Variants in SGCD observed in about 807,000 individuals in gnomAD.
SGCD encodes the protein sarcoglycan delta.
In SGCD, 18 loss-of-function variants were observed where a neutral mutation model predicts 36.6. The ratio of observed to expected loss-of-function variants is 0.49; its 90% CI spans 0.34 to 0.73. SGCD has a LOEUF of 0.73. Among genes scored for constraint, SGCD ranks in the 30% least tolerant of loss-of-function variants. The probability of loss-of-function intolerance (pLI) is 0.01; values close to 1 mark genes in which losing one functional copy is unlikely to be tolerated. For missense variants in SGCD, 387 were observed against 346.7 expected (o/e 1.12, Z -0.92); for synonymous variants, 133 against 130.6 (o/e 1.02, Z -0.12).
intron 3 of SGCD, among the ~76,000 whole-genome samples, chr5:156,257,342 C>G (rs1317896521): frequency 6.6e-6 from 1 of 151,984 alleles, no homozygotes; most frequent in African/African-American, 2.4e-5. Flanking sequence ...GGCATGGTGG[C>G]GGGTGCCTGT....
chr5:155,900,373 T>C (rs1756360412), intron 1 of SGCD, among the ~76,000 whole-genome samples: 1 of 151,858 alleles, frequency 6.6e-6, no homozygotes, highest in African/African-American at 2.4e-5. Context: ...AAGATAACCA[T>C]GGCTTCCCCC....
chr5:156,080,435 G>A (rs1357278998), intron 1 of SGCD, among the ~76,000 whole-genome samples: 3 of 152,186 alleles, frequency 2.0e-5, no homozygotes, highest in African/African-American at 7.2e-5. Context: ...TTGAAAACTT[G>A]CTTTTCTTTT....
the SGCD span, among the ~76,000 whole-genome samples, chr5:155,756,962 C>T: frequency 2.0e-5 from 3 of 152,102 alleles, no homozygotes; most frequent in Admixed American, 6.5e-5. Context: ...GGATAAATAC[C>T]AGGGTTGGGT....
At chr5:156,423,442 T>TATATTATAATATAATATAATATATTA (rs1179870953) in intron 3 of SGCD, among the ~76,000 whole-genome samples, 1 of 116,332 alleles carries the variant, frequency 8.6e-6, no homozygotes, top group African/African-American at 3.2e-5. Flanking sequence ...TATAATATAT[T>TATATTATAATATAATATAATATATTA]TATTTTATTA....
At chr5:155,856,886 A>G in the SGCD span, among the ~76,000 whole-genome samples, 7 of 152,210 alleles carry the variant, frequency 4.6e-5, no homozygotes, top group Non-Finnish European at 8.8e-5. Flanking sequence ...ACTCTCATAC[A>G]TTGTTGGTGA....
At chr5:156,532,483 T>C (rs1431729605) in intron 4 of SGCD, among the ~76,000 whole-genome samples, 1 of 152,070 alleles carries the variant, frequency 6.6e-6, no homozygotes, top group African/African-American at 2.4e-5. Context: ...TTATTTGAGA[T>C]GGAGTTTTGC....
chr5:156,104,649 G>A (rs775372302), intron 1 of SGCD, among the ~76,000 whole-genome samples: 9 of 152,142 alleles, frequency 5.9e-5, no homozygotes, highest in Non-Finnish European at 1.2e-4. Context: ...TGATGTTGAC[G>A]TTAAAGCAGG....
At chr5:156,302,199 T>C (rs1005222083) in intron 3 of SGCD, among the ~76,000 whole-genome samples, 3 of 152,108 alleles carry the variant, frequency 2.0e-5, no homozygotes, top group African/African-American at 7.2e-5. Context: ...CATTCCTTTT[T>C]ATTCTTTTTT....
intron 3 of SGCD, among the ~76,000 whole-genome samples, chr5:156,371,156 T>C (rs1770366224): frequency 6.6e-6 from 1 of 152,202 alleles, no homozygotes; most frequent in South Asian, 2.1e-4. Flanking sequence ...ACAATACCTA[T>C]ATTTTCATGC....
chr5:156,133,408 A>G (rs2127607176), intron 3 of SGCD, among the ~76,000 whole-genome samples: 1 of 152,282 alleles, frequency 6.6e-6, no homozygotes, highest in East Asian at 1.9e-4. Context: ...TATTCCAGAG[A>G]TATTCTATTC....
intron 3 of SGCD, among the ~76,000 whole-genome samples, chr5:156,235,522 G>A (rs2127653375): frequency 6.6e-6 from 1 of 152,314 alleles, no homozygotes; most frequent in Admixed American, 6.5e-5. Context: ...CCATGTCTTT[G>A]CTGAGGACAG....
chr5:156,693,463 T>G (rs1316566700), intron 7 of SGCD, among the ~76,000 whole-genome samples: 1 of 152,196 alleles, frequency 6.6e-6, no homozygotes, highest in African/African-American at 2.4e-5. Flanking sequence ...CTTTATGCTC[T>G]TTCACAATCG....
chr5:156,068,902 T>C (rs1760435763), intron 1 of SGCD, among the ~76,000 whole-genome samples: 1 of 152,102 alleles, frequency 6.6e-6, no homozygotes, highest in African/African-American at 2.4e-5. Context: ...CATGTGTTTT[T>C]TGGCTGCGTA....
At chr5:156,098,894 T>A (rs2127596163) in intron 1 of SGCD, among the ~76,000 whole-genome samples, 1 of 152,344 alleles carries the variant, frequency 6.6e-6, no homozygotes, top group Admixed American at 6.5e-5. Context: ...AGGAAAGAGA[T>A]GCCTCAAGTT....
At chr5:156,019,553 T>C in intron 1 of SGCD, among the ~76,000 whole-genome samples, 1 of 152,212 alleles carries the variant, frequency 6.6e-6, no homozygotes, top group South Asian at 2.1e-4. Context: ...TTGGGGTGTG[T>C]GGAACATCTG....
chr5:156,505,624 G>A (rs868335491), intron 3 of SGCD, among the ~76,000 whole-genome samples: 3 of 152,202 alleles, frequency 2.0e-5, no homozygotes, highest in Non-Finnish European at 2.9e-5. Flanking sequence ...TGCTGGCAAC[G>A]TAACAGCAGG....
the SGCD span, among the ~76,000 whole-genome samples, chr5:155,809,782 C>A: frequency 6.6e-6 from 1 of 152,086 alleles, no homozygotes; most frequent in African/African-American, 2.4e-5. Context: ...ACATCAAATA[C>A]GCCTAAACCT....
chr5:156,380,063 C>T (rs902074128), intron 3 of SGCD, among the ~76,000 whole-genome samples: 4 of 151,818 alleles, frequency 2.6e-5, no homozygotes, highest in Non-Finnish European at 4.4e-5. Context: ...CAAGGCACAG[C>T]GTTTGTGGTC....
chr5:156,071,613 T>C (rs1307951713), intron 1 of SGCD, among the ~76,000 whole-genome samples: 1 of 152,190 alleles, frequency 6.6e-6, no homozygotes, highest in African/African-American at 2.4e-5. Flanking sequence ...TTCTGTTGAT[T>C]TGGGGTGGAG....
Sources: gnomAD v4.1 joint callset for allele counts (sites outside exome capture counted in the v4.1 genomes callset) on GRCh38, gnomAD v4.1.1 for gene constraint, MANE v1.5 for transcripts, NCBI Gene and HGNC (gene_info 2026-07-23, HGNC 2026-07-21) for gene names.